KCTD14: variants seen among roughly 807,000 people sequenced by gnomAD.
The protein encoded by KCTD14 is BTB/POZ domain-containing protein KCTD14.
KCTD14 carries 7 observed loss-of-function variants against 5.9 expected under a neutral mutation model. The observed-to-expected ratio is 1.19, with a 90% CI of 0.68 to 2.23. The LOEUF is 2.23. KCTD14 is among the 30% of genes most tolerant of loss of function. The probability of loss-of-function intolerance (pLI) is 0.00; values close to 1 mark genes in which losing one functional copy is unlikely to be tolerated. For missense variants in KCTD14, 342 were observed against 332.2 expected (o/e 1.03, Z -0.23); for synonymous variants, 140 against 133.1 (o/e 1.05, Z -0.36).
Position 78,032,807 on chromosome 11 carries a change from C to T in KCTD14, c.-1+5857G>A, listed in dbSNP as rs1016965320. 9.9e-5 allele frequency among the ~76,000 whole-genome samples: 15 copies of T among 151,302 alleles called. No homozygotes were observed. In the South Asian group the frequency reaches 1.7e-3, roughly 17 times the overall value. Reference sequence around the variant, plus strand: ...GCAGCCTCAACCTCTCAGGCTCAACCATGTCACCCCCAACAGGTACAGCAC... The same window carrying T: ...GCAGCCTCAACCTCTCAGGCTCAACTATGTCACCCCCAACAGGTACAGCAC... On this transcript the variant is annotated intron_variant, in intron 2 of 2. Transcript: ENST00000533144.
At chr11:78,021,011 C>CA (rs925720173) in intron 1 of KCTD14, among the ~76,000 whole-genome samples, 30 of 151,948 alleles carry the variant, frequency 2.0e-4, no homozygotes, top group Admixed American at 1.6e-3. Flanking sequence ...CCAGATGCTT[C>CA]AAAAAAACAG....
intron 2 of KCTD14, among the ~76,000 whole-genome samples, chr11:78,037,899 C>G (rs1424235243): frequency 6.6e-6 from 1 of 151,610 alleles, no homozygotes; most frequent in Admixed American, 6.6e-5. Context: ...TTTTCTTGAG[C>G]TAGGTGCTGG....
chr11:78,028,474 G>A (rs1381894603), intron 2 of KCTD14, among the ~76,000 whole-genome samples: 1 of 151,830 alleles, frequency 6.6e-6, no homozygotes, highest in Non-Finnish European at 1.5e-5. Flanking sequence ...ATGGTGGCAT[G>A]CGCCTATAGT....
At chr11:78,036,164 A>G (rs1857795590) in intron 2 of KCTD14, among the ~76,000 whole-genome samples, 1 of 151,022 alleles carries the variant, frequency 6.6e-6, no homozygotes, top group African/African-American at 2.5e-5. Context: ...CTCAAAAAAA[A>G]AACAAAAGAG....
intron 1 of KCTD14, among the ~76,000 whole-genome samples, chr11:78,018,410 T>A (rs1055856951): frequency 2.0e-4 from 30 of 149,274 alleles, no homozygotes; most frequent in African/African-American, 3.4e-4. Flanking sequence ...AAAAAAAATT[T>A]TTTTTTTAAG....
upstream of KCTD14, among the ~76,000 whole-genome samples, chr11:78,025,003 A>T (rs1380413749): frequency 6.8e-6 from 1 of 147,842 alleles, no homozygotes; most frequent in Non-Finnish European, 1.5e-5. Flanking sequence ...ATATATTTGT[A>T]TATATATATT....
chr11:78,023,292 C>T (rs759636301), upstream of KCTD14: 2 of 1,592,384 alleles, frequency 1.3e-6, no homozygotes, highest in East Asian at 2.2e-5. Context: ...GCTGCCCGCC[C>T]CTAGGTGGGA....
intron 1 of KCTD14, among the ~76,000 whole-genome samples, chr11:78,018,156 A>G (rs1474795582): frequency 6.6e-6 from 1 of 152,184 alleles, no homozygotes; most frequent in Non-Finnish European, 1.5e-5. Context: ...AGAGGCTGCC[A>G]TGGAAGGAAG....
upstream of KCTD14, among the ~76,000 whole-genome samples, chr11:78,026,464 A>AAGAAG (rs1384936613): frequency 2.0e-5 from 3 of 151,984 alleles, no homozygotes; most frequent in Admixed American, 2.0e-4. Flanking sequence ...AAGAAAAGAA[A>AAGAAG]AGAAAAGACA....
chr11:78,016,426 C>T lies in KCTD14; in HGVS notation c.*167G>A, dbSNP rs186952603. The T allele has an allele frequency of 8.3e-4, 513 of 621,686 alleles. No homozygotes were observed. The highest frequency in any genetic ancestry group is 7.2e-3 in the African/African-American group (391 of 54,384). 38.5% of individuals were successfully genotyped at this position (621,686 alleles called of 1,614,324 possible). A position where few individuals can be genotyped will look rare whatever the true frequency, so the allele number is the denominator to read the frequency against. The stretch of plus-strand genomic sequence containing the variant: ...TAGGCAAATATAGTGGCATCAGTTG[C>T]AATGGAGTGGAAAGTCCTTAAACGA... On this transcript the variant is annotated 3_prime_UTR_variant, in exon 2 of 2. Transcript: ENST00000353172.
At chr11:78,045,920 G>T in intron 1 of KCTD14, 1 of 169,224 alleles carries the variant, frequency 5.9e-6, no homozygotes, top group Non-Finnish European at 1.2e-5. Flanking sequence ...TGTAGGGGCA[G>T]GAGGAGCAGA....
At chr11:78,026,301 G>C (rs374111860), upstream of KCTD14, among the ~76,000 whole-genome samples, 8 of 152,070 alleles carry the variant, frequency 5.3e-5, no homozygotes, top group East Asian at 1.5e-3. Flanking sequence ...GCCGGGCATG[G>C]TGGTGCGTGC....
upstream of KCTD14, among the ~76,000 whole-genome samples, chr11:78,026,269 T>G (rs553947014): frequency 3.3e-5 from 5 of 152,016 alleles, no homozygotes; most frequent in African/African-American, 1.2e-4. Flanking sequence ...AAACCCCATC[T>G]CTACTAAAAA....
chr11:78,029,046 A>C (rs111476657), intron 2 of KCTD14, among the ~76,000 whole-genome samples: 1 of 151,848 alleles, frequency 6.6e-6, no homozygotes, highest in African/African-American at 2.4e-5. Flanking sequence ...TTAGCTGGGC[A>C]TGGTGGTGCA....
intron 1 of KCTD14, among the ~76,000 whole-genome samples, chr11:78,021,385 T>C (rs1180628734): frequency 6.7e-6 from 1 of 149,274 alleles, no homozygotes; most frequent in Admixed American, 6.7e-5. Context: ...ACCTCAGCCG[T>C]GTTCCTAAGC....
chr11:78,025,085 C>CGTGTGTGTGTGT (rs1163862866), upstream of KCTD14, among the ~76,000 whole-genome samples: 1 of 89,372 alleles, frequency 1.1e-5, no homozygotes, highest in Non-Finnish European at 2.3e-5. Flanking sequence ...TATATACACA[C>CGTGTGTGTGTGT]GTGTGTGTGT....
At chr11:78,045,421 T>A (rs1379681762) in intron 1 of KCTD14, among the ~76,000 whole-genome samples, 1 of 152,174 alleles carries the variant, frequency 6.6e-6, no homozygotes, top group East Asian at 1.9e-4. Context: ...ATTGGGGAAG[T>A]TGCATATCTT....
At chr11:78,018,265 G>A (rs1367847871) in intron 1 of KCTD14, among the ~76,000 whole-genome samples, 2 of 152,148 alleles carry the variant, frequency 1.3e-5, no homozygotes, top group Non-Finnish European at 1.5e-5. Flanking sequence ...TATTGGCCGG[G>A]CATAGTGGCT....
At chr11:78,025,389 A>G (rs982851255), upstream of KCTD14, among the ~76,000 whole-genome samples, 1 of 151,860 alleles carries the variant, frequency 6.6e-6, no homozygotes, top group Non-Finnish European at 1.5e-5. Context: ...CTGGCAGCTG[A>G]TTAGATTGTG....
Sources: gnomAD v4.1 joint callset for allele counts (sites outside exome capture counted in the v4.1 genomes callset) on GRCh38, gnomAD v4.1.1 for gene constraint, MANE v1.5 for transcripts, NCBI Gene and HGNC (gene_info 2026-07-23, HGNC 2026-07-21) for gene names.